Variants in UBQLN1 observed in about 807,000 individuals in gnomAD.
UBQLN1 encodes the protein ubiquilin-1.
UBQLN1 carries 13 observed loss-of-function variants against 65.4 expected under a neutral mutation model. The ratio of observed to expected loss-of-function variants is 0.20; its 90% confidence interval spans 0.13 to 0.32. UBQLN1 has a LOEUF of 0.32. Ranked by LOEUF, UBQLN1 falls within the 10% of genes least tolerant of loss-of-function variation. The pLI is 1.00. For missense variants in UBQLN1, 561 were observed against 724.0 expected (o/e 0.77, Z 2.58); for synonymous variants, 267 against 247.8 (o/e 1.08, Z -0.73).
In UBQLN1 at chr9:83,660,463, A is replaced by T. The variant is rs1451623951; in HGVS notation, c.*1324T>A. The T allele has an allele frequency of 6.6e-6, 1 of 152,618 alleles. No individual in the cohort carries two copies. The highest frequency in any genetic ancestry group is 2.4e-5 in the African/African-American group (1 of 41,440). The allele number at this position is 152,618 out of a possible 1,614,324, so 9.5% of individuals were successfully genotyped here. A position where few individuals can be genotyped will look rare whatever the true frequency, so the allele number is the denominator to read the frequency against. The stretch of plus-strand genomic sequence containing the variant: ...GAATGTACCACCCCAACAGTTTGGG[A>T]GTTAGGCAAACAGAATTCTTTGGGG... On this transcript the variant is annotated 3_prime_UTR_variant, in exon 11 of 11. Transcript: ENST00000376395.
chr9:83,684,216 C>CA (rs1200708416), intron 2 of UBQLN1, among the ~76,000 whole-genome samples: 2 of 151,696 alleles, frequency 1.3e-5, no homozygotes, highest in East Asian at 2.0e-4. Flanking sequence ...TTTTTAAAGA[C>CA]AGAGTCTTGC....
At chr9:83,694,640 A>G (rs1226482710) in intron 1 of UBQLN1, among the ~76,000 whole-genome samples, 7 of 152,258 alleles carry the variant, frequency 4.6e-5, no homozygotes. Context: ...TAAATCTGAC[A>G]AGAATAACAA....
At chr9:83,692,167 T>C (rs1005933949) in intron 1 of UBQLN1, among the ~76,000 whole-genome samples, 23 of 152,216 alleles carry the variant, frequency 1.5e-4, no homozygotes, top group African/African-American at 2.4e-4. Context: ...GTGCCAGATA[T>C]GGTACACTTT....
Position 83,683,066 on chromosome 9 carries a change from C to T in UBQLN1, c.333G>A (p.Arg111=), listed in dbSNP as rs1831973003. The change falls in exon 3 of 11, where the codon AGG becomes AGA. Residue 111 remains arginine, a splice_region_variant and synonymous_variant. Coordinates refer to ENST00000376395, the MANE Select transcript of UBQLN1 (RefSeq NM_013438.5). ...TTTGCTGAGCTGAATGATCCTGAGG[C>T]CTAGGGAAAATAATTAATCACAGAG... ...TVHLVIKTQN[R]PQDHSAQQTN... 7.5e-6 allele frequency: 12 copies of T among 1,602,106 alleles called. No homozygotes were observed. The highest frequency in any genetic ancestry group is 1.3e-5 in the African/African-American group (1 of 74,602).
chr9:83,674,578 T>C (rs562626317), intron 6 of UBQLN1, among the ~76,000 whole-genome samples: 36 of 152,342 alleles, frequency 2.4e-4, no homozygotes, highest in African/African-American at 6.0e-4. Context: ...TAAATCTTGA[T>C]TGCAGTAACC....
intron 2 of UBQLN1, among the ~76,000 whole-genome samples, 155 bp downstream of exon 2, chr9:83,685,849 C>CTTTTTAAAA (rs1489096463): frequency 1.3e-5 from 2 of 152,170 alleles, no homozygotes; most frequent in African/African-American, 4.8e-5. Flanking sequence ...CATGGAATCA[C>CTTTTTAAAA]ACTTTTTAAA....
chr9:83,705,517 A>G (rs1257922984), intron 1 of UBQLN1, among the ~76,000 whole-genome samples: 1 of 152,236 alleles, frequency 6.6e-6, no homozygotes, highest in East Asian at 1.9e-4. Context: ...TGCTGGGATT[A>G]CAGGTGTGAG....
chr9:83,697,245 G>GT (rs71365322), intron 1 of UBQLN1, among the ~76,000 whole-genome samples: 37,578 of 140,576 alleles, frequency 0.27, 6,082 homozygotes, highest in East Asian at 0.8. Context: ...GTATCTTCTG[G>GT]TTTTTTTTTT....
intron 1 of UBQLN1, among the ~76,000 whole-genome samples, chr9:83,704,565 A>T (rs773059112): frequency 4.6e-5 from 7 of 152,210 alleles, no homozygotes; most frequent in African/African-American, 7.2e-5. Context: ...GGTGGTTCAC[A>T]CCTGTAATCC....
At chr9:83,674,838 A>C (rs1029667920) in intron 6 of UBQLN1, among the ~76,000 whole-genome samples, 10 of 152,192 alleles carry the variant, frequency 6.6e-5, no homozygotes, top group Admixed American at 6.5e-5. Flanking sequence ...CCAGGGTAAG[A>C]CCATTTTTTA....
chr9:83,664,023 G>T lies in UBQLN1; in HGVS notation c.1469C>A (p.Ala490Glu). Residue 490 changes from alanine (A) to glutamate (E), a missense_variant, in exon 10 of 11, where the codon GCA becomes GAA. Coordinates refer to ENST00000376395, the MANE Select transcript of UBQLN1 (RefSeq NM_013438.5). ...CGAAGAGCCTCCAGTGCTTCCTAAT[G>T]CCCCCAAGCCAGGAGTAAACCTACA... ...LIPGFTPGLG[A>E]LGSTGGSSGT... The T allele has an allele frequency of 6.2e-7, 1 of 1,613,686 alleles. No homozygotes were observed. The highest frequency in any genetic ancestry group is 8.5e-7 in the Non-Finnish European group (1 of 1,179,844).
rs1564175219 is a variant in UBQLN1 at position 83,705,245 on chromosome 9, C to CTTTTTTTTT, written c.180+2254_180+2255insAAAAAAAAA. Among the ~76,000 whole-genome samples the CTTTTTTTTT allele has an allele frequency of 6.7e-3, 270 of 40,028 alleles. 3 individuals carry two copies. Among genetic ancestry groups the CTTTTTTTTT allele is most frequent in the African/African-American group, 0.054 (257 of 4,760 alleles). 26.3% of individuals were successfully genotyped at this position (40,028 alleles called of 152,430 possible). On this transcript the variant is annotated intron_variant, in intron 1 of 10. Transcript: ENST00000376395. ...TATATGTGCTGCTGAAGCCAGCACT[C>CTTTTTTTTT]CTTTTTTTTTTTGAAACGGAGTTTC...
intron 1 of UBQLN1, among the ~76,000 whole-genome samples, chr9:83,705,305 A>G (rs1832382673): frequency 7.0e-6 from 1 of 142,804 alleles, no homozygotes; most frequent in Non-Finnish European, 1.5e-5. Context: ...CAATGTCGCA[A>G]TCTCGGCTCA....
At chr9:83,683,367 C>A (rs1226042392) in intron 2 of UBQLN1, among the ~76,000 whole-genome samples, 1 of 146,988 alleles carries the variant, frequency 6.8e-6, no homozygotes, top group Non-Finnish European at 1.5e-5. Context: ...AGCGAGATCG[C>A]GCCACTGCAC....
At chr9:83,683,832 G>A (rs1331590817) in intron 2 of UBQLN1, among the ~76,000 whole-genome samples, 1 of 152,108 alleles carries the variant, frequency 6.6e-6, no homozygotes, top group African/African-American at 2.4e-5. Context: ...GACCAGTCTG[G>A]CCAACATGGT....
At position 83,661,665 on chromosome 9, in the gene UBQLN1, A is replaced by G. The variant is rs1831563021; in HGVS notation, c.*122T>C. 2 of 1,075,424 alleles carry G rather than the reference A, an allele frequency of 1.9e-6. No homozygotes were observed. Among genetic ancestry groups the G allele is most frequent in the Non-Finnish European group, 2.6e-6 (2 of 771,914 alleles). 66.6% of individuals were successfully genotyped at this position (1,075,424 alleles called of 1,614,324 possible). A position where few individuals can be genotyped will look rare whatever the true frequency, so the allele number is the denominator to read the frequency against. On this transcript the variant is annotated 3_prime_UTR_variant, in exon 11 of 11. Coordinates refer to ENST00000376395, the MANE Select transcript of UBQLN1 (RefSeq NM_013438.5). ...ACTGTACTCCACCTTAAAATGCATCATATTGGGTTTGTTTATAACAGCACA... is the reference window on the plus strand; with the variant it reads ...ACTGTACTCCACCTTAAAATGCATCGTATTGGGTTTGTTTATAACAGCACA...
chr9:83,701,829 T>C (rs555184867), intron 1 of UBQLN1, among the ~76,000 whole-genome samples: 1 of 152,038 alleles, frequency 6.6e-6, no homozygotes, highest in South Asian at 2.1e-4. Context: ...CCAAGAAAAA[T>C]GAAAACGTTA....
intron 6 of UBQLN1, among the ~76,000 whole-genome samples, chr9:83,670,197 A>C (rs778168821): frequency 6.6e-6 from 1 of 152,010 alleles, no homozygotes; most frequent in Non-Finnish European, 1.5e-5. Flanking sequence ...CTCAAACTCA[A>C]ATATATTCTC....
chr9:83,703,235 T>C (rs1050215961), intron 1 of UBQLN1, among the ~76,000 whole-genome samples: 2 of 152,014 alleles, frequency 1.3e-5, no homozygotes, highest in Non-Finnish European at 2.9e-5. Flanking sequence ...TTTACTTACA[T>C]ACAGGTTGAG....
Sources: allele counts gnomAD v4.1 joint callset (sites outside exome capture counted in the v4.1 genomes callset), GRCh38; gene constraint gnomAD v4.1.1; transcripts MANE v1.5; gene names NCBI Gene and HGNC (gene_info 2026-07-23, HGNC 2026-07-21).